ANKRD29: variants seen among roughly 807,000 people sequenced by gnomAD.
ANKRD29 encodes the protein ankyrin repeat domain 29.
ANKRD29 carries 32 observed loss-of-function variants against 38.0 expected under a neutral mutation model. The ratio of observed to expected loss-of-function variants is 0.84; its 90% confidence interval spans 0.64 to 1.13. The LOEUF is 1.13. ANKRD29 is among the 50% of genes most tolerant of loss of function. The pLI, the probability that ANKRD29 is intolerant of heterozygous loss-of-function variation, is 0.00. For missense variants in ANKRD29, 357 were observed against 377.9 expected, an observed-to-expected ratio of 0.94 and a Z score of 0.46; for synonymous variants, 135 against 152.4, an observed-to-expected ratio of 0.89 and a Z score of 0.84.
intron 1 of ANKRD29, among the ~76,000 whole-genome samples, chr18:23,659,364 T>A (rs898279026): frequency 5.3e-5 from 8 of 152,258 alleles, no homozygotes; most frequent in Admixed American, 1.3e-4. Context: ...TGGATCTTTA[T>A]GTTCAAGTTT....
At chr18:23,639,866 A>G (rs924935686) in intron 3 of ANKRD29, among the ~76,000 whole-genome samples, 1 of 152,234 alleles carries the variant, frequency 6.6e-6, no homozygotes, top group Non-Finnish European at 1.5e-5. Flanking sequence ...TCAGAGTTAT[A>G]GAACCAGAAA....
At chr18:23,641,694 A>C (rs763965226) in intron 3 of ANKRD29, among the ~76,000 whole-genome samples, 9 of 152,202 alleles carry the variant, frequency 5.9e-5, no homozygotes, top group Non-Finnish European at 7.4e-5. Context: ...CCCATGGACC[A>C]ATCAGCACAC....
At chr18:23,640,627 GAC>G (rs2060061628) in intron 3 of ANKRD29, among the ~76,000 whole-genome samples, 1 of 152,130 alleles carries the variant, frequency 6.6e-6, no homozygotes, top group Admixed American at 6.6e-5. Flanking sequence ...GACATTCTGA[GAC>G]ACAGTTTTTA....
chr18:23,646,495 G>A (rs768735677), intron 2 of ANKRD29: 2 of 462,392 alleles, frequency 4.3e-6, no homozygotes, highest in East Asian at 3.4e-5. Flanking sequence ...TGGAATTTTC[G>A]ATGTAAAAAT....
At chr18:23,617,879 C>A (rs751466653) in intron 7 of ANKRD29, 52 bp from the exon 8 acceptor site, 10 of 1,490,194 alleles carry the variant, frequency 6.7e-6, no homozygotes, top group Non-Finnish European at 9.3e-6. Context: ...ATCTGTGTTG[C>A]TTGAAAGCAG....
chr18:23,607,546 T>G (rs944904756), intron 9 of ANKRD29, among the ~76,000 whole-genome samples: 3 of 152,146 alleles, frequency 2.0e-5, no homozygotes, highest in Non-Finnish European at 4.4e-5. Flanking sequence ...TCCATGAATG[T>G]CCATATCCTC....
In ANKRD29 at chr18:23,599,785, A is replaced by T. The variant is rs1315270936; in HGVS notation, c.*1441T>A. 6.6e-6 allele frequency: 1 copy of T among 152,192 alleles called. No homozygotes were observed. Among genetic ancestry groups the T allele is most frequent in the Admixed American group, 6.5e-5 (1 of 15,268 alleles). The allele number at this position is 152,192 out of a possible 1,614,324, so 9.4% of individuals were successfully genotyped here. On this transcript the variant is annotated 3_prime_UTR_variant, in exon 10 of 10. Transcript: ENST00000592179. ...TCATTTGCTTGAGACATTTATCAAA[A>T]TATGCTGATTTTTGTTGCATTAATT...
At chr18:23,637,100 ACAAAGGCTTTAAGCCAGTATT>A (rs2060012436) in intron 4 of ANKRD29, among the ~76,000 whole-genome samples, 1 of 152,204 alleles carries the variant, frequency 6.6e-6, no homozygotes, top group African/African-American at 2.4e-5. Flanking sequence ...TGGCTCATGT[ACAAAGGCTTTAAGCCAGTATT>A]CACTCGTTAA....
Position 23,601,198 on chromosome 18 carries a change from C to T in ANKRD29, c.*28G>A, listed in dbSNP as rs1482539994. 7 of 1,596,806 alleles carry T rather than the reference C, an allele frequency of 4.4e-6. No individual in the cohort carries two copies. Among genetic ancestry groups the T allele is most frequent in the Non-Finnish European group, 6.0e-6 (7 of 1,165,096 alleles). ...TTTTTGGACAATGTGGTTAAGCTTT[C>T]TATCTTTCTGTCAAATATGGAGCTA... On this transcript the variant is annotated 3_prime_UTR_variant, in exon 10 of 10. Coordinates refer to ENST00000592179, the MANE Select transcript of ANKRD29 (RefSeq NM_173505.4).
At chr18:23,639,605 G>A (rs1235689312) in intron 3 of ANKRD29, among the ~76,000 whole-genome samples, 1 of 149,850 alleles carries the variant, frequency 6.7e-6, no homozygotes, top group Non-Finnish European at 1.5e-5. Flanking sequence ...GTGCCATCTC[G>A]GCTCACTGCA....
At chr18:23,617,969 T>C (rs1012142835) in intron 7 of ANKRD29, 142 bp from the exon 8 acceptor site, 1 of 616,400 alleles carries the variant, frequency 1.6e-6, no homozygotes, top group Non-Finnish European at 2.9e-6. Flanking sequence ...TCTCTTAATC[T>C]AGGAGCATTT....
chr18:23,644,867 C>CTAAATTTT (rs1349134346), intron 3 of ANKRD29, among the ~76,000 whole-genome samples: 3 of 152,136 alleles, frequency 2.0e-5, no homozygotes, highest in African/African-American at 4.8e-5. Flanking sequence ...CCATGTCTGG[C>CTAAATTTT]TAAATTTTTA....
chr18:23,647,159 G>T (rs2060150290), intron 2 of ANKRD29: 1 of 152,186 alleles, frequency 6.6e-6, no homozygotes, highest in African/African-American at 2.4e-5. Flanking sequence ...ACGGGATTTT[G>T]TAGGAAGGCA....
intron 2 of ANKRD29, chr18:23,648,435 T>C (rs2060167686): frequency 6.5e-6 from 1 of 154,064 alleles, no homozygotes. Context: ...TTTATTCAAA[T>C]CCTAAAATCA....
chr18:23,609,552 G>A (rs185230376), intron 9 of ANKRD29, among the ~76,000 whole-genome samples: 2 of 152,320 alleles, frequency 1.3e-5, no homozygotes, highest in East Asian at 3.9e-4. Flanking sequence ...CAGCAGGCAA[G>A]GTGAACCCAT....
intron 6 of ANKRD29, among the ~76,000 whole-genome samples, chr18:23,622,206 T>C (rs981751500): frequency 6.6e-6 from 1 of 152,150 alleles, no homozygotes; most frequent in African/African-American, 2.4e-5. Flanking sequence ...AAGGGTCGTT[T>C]GAAGGAGAAG....
At chr18:23,656,758 G>T (rs748540354) in intron 1 of ANKRD29, among the ~76,000 whole-genome samples, 2 of 152,164 alleles carry the variant, frequency 1.3e-5, no homozygotes, top group Non-Finnish European at 2.9e-5. Flanking sequence ...TATTGTGGCC[G>T]TGGGTGCATT....
intron 1 of ANKRD29, among the ~76,000 whole-genome samples, chr18:23,654,356 C>A (rs1012238777): frequency 6.6e-6 from 1 of 151,478 alleles, no homozygotes; most frequent in Non-Finnish European, 1.5e-5. Context: ...CGGTGGCTCA[C>A]GCCTGTAATC....
chr18:23,639,369 A>G (rs2060043085), intron 3 of ANKRD29, among the ~76,000 whole-genome samples: 2 of 152,158 alleles, frequency 1.3e-5, no homozygotes, highest in Non-Finnish European at 2.9e-5. Flanking sequence ...ATGGATGAGG[A>G]GACAAGCAAA....
Sources: gnomAD v4.1 joint callset for allele counts (sites outside exome capture counted in the v4.1 genomes callset) on GRCh38, gnomAD v4.1.1 for gene constraint, MANE v1.5 for transcripts, NCBI Gene and HGNC (gene_info 2026-07-23, HGNC 2026-07-21) for gene names.